The following SCD5 variants were observed in gnomAD, a reference collection of about 807,000 sequenced individuals.
SCD5 encodes the protein stearoyl-CoA desaturase 5.
Under a neutral mutation model 30.4 loss-of-function variants are expected in SCD5, and 20 were observed. The observed-to-expected ratio is 0.66, with a 90% CI of 0.46 to 0.96. The LOEUF (loss-of-function observed/expected upper bound fraction) is 0.96, where lower values mean the gene tolerates loss of function less well. SCD5 is among the 40% of genes least tolerant of loss of function. The pLI, the probability that SCD5 is intolerant of heterozygous loss-of-function variation, is 0.00. For synonymous variants in SCD5, 173 were observed against 176.4 expected (o/e 0.98, Z 0.16); for missense variants, 381 against 443.3 (o/e 0.86, Z 1.26).
At chr4:82,712,282 A>ATATATATATG (rs1720120648) in intron 1 of SCD5, among the ~76,000 whole-genome samples, 1 of 44,538 alleles carries the variant, frequency 2.2e-5, no homozygotes, top group Non-Finnish European at 3.7e-5. Flanking sequence ...ATATATATAT[A>ATATATATATG]TATATATATA....
intron 1 of SCD5, among the ~76,000 whole-genome samples, chr4:82,783,676 G>A (rs1721926797): frequency 6.6e-6 from 1 of 151,980 alleles, no homozygotes; most frequent in Admixed American, 6.5e-5. Context: ...GGCAGCGCAT[G>A]CCTGTAATCC....
At chr4:82,704,638 G>C (rs868192808) in intron 2 of SCD5, among the ~76,000 whole-genome samples, 4 of 152,158 alleles carry the variant, frequency 2.6e-5, no homozygotes, top group South Asian at 2.1e-4. Flanking sequence ...TATTTTTACA[G>C]ATTAAGAAAC....
chr4:82,664,308 C>T (rs1364181925), intron 3 of SCD5, among the ~76,000 whole-genome samples: 1 of 152,184 alleles, frequency 6.6e-6, no homozygotes, highest in Non-Finnish European at 1.5e-5. Flanking sequence ...ACCTCTTCCA[C>T]CCACACATAC....
At chr4:82,785,422 A>G (rs369135957) in intron 1 of SCD5, among the ~76,000 whole-genome samples, 9 of 152,308 alleles carry the variant, frequency 5.9e-5, no homozygotes, top group East Asian at 5.8e-4. Context: ...ACCACCCTTT[A>G]TCAATTTGCC....
chr4:82,666,883 A>T (rs556880825), intron 3 of SCD5, among the ~76,000 whole-genome samples: 1 of 152,356 alleles, frequency 6.6e-6, no homozygotes, highest in East Asian at 1.9e-4. Context: ...TGACAGAGTT[A>T]TCGAAAGGAT....
intron 3 of SCD5, among the ~76,000 whole-genome samples, chr4:82,664,434 A>G (rs1415509602): frequency 3.4e-5 from 1 of 29,770 alleles, no homozygotes; most frequent in Non-Finnish European, 6.3e-5. Flanking sequence ...GAGTCACACA[A>G]AAGTGCAAGG....
intron 3 of SCD5, among the ~76,000 whole-genome samples, chr4:82,679,263 G>GAGA (rs1560531713): frequency 2.6e-4 from 31 of 118,336 alleles, no homozygotes; most frequent in African/African-American, 9.7e-4. Context: ...AAAGAAAGAA[G>GAGA]GAAGGAAAGA....
At chr4:82,794,726 T>C (rs1374785616) in intron 1 of SCD5, among the ~76,000 whole-genome samples, 4 of 151,268 alleles carry the variant, frequency 2.6e-5, no homozygotes, top group Non-Finnish European at 5.9e-5. Flanking sequence ...CTCGGCTCCC[T>C]GCAAGCTCCA....
intron 1 of SCD5, among the ~76,000 whole-genome samples, chr4:82,713,590 C>T (rs1183988617): frequency 6.6e-6 from 1 of 152,308 alleles, no homozygotes; most frequent in Non-Finnish European, 1.5e-5. Context: ...TGGTCCAGTG[C>T]TATCTGCCCT....
intron 1 of SCD5, among the ~76,000 whole-genome samples, chr4:82,756,405 T>C (rs546112264): frequency 6.6e-6 from 1 of 152,226 alleles, no homozygotes; most frequent in South Asian, 2.1e-4. Context: ...TCACTTAGCC[T>C]CTCTATGCCT....
At chr4:82,726,708 C>A (rs1720480648) in intron 1 of SCD5, among the ~76,000 whole-genome samples, 1 of 152,126 alleles carries the variant, frequency 6.6e-6, no homozygotes, top group Non-Finnish European at 1.5e-5. Context: ...TTTTATTATG[C>A]TTTAAATGTT....
chr4:82,639,198 T>A (rs1396248176), intron 3 of SCD5, among the ~76,000 whole-genome samples: 3 of 152,194 alleles, frequency 2.0e-5, no homozygotes, highest in Non-Finnish European at 2.9e-5. Flanking sequence ...ACAGGATGGC[T>A]GCATTTTAGT....
At chr4:82,694,963 C>A (rs1261104926) in intron 2 of SCD5, among the ~76,000 whole-genome samples, 3 of 141,358 alleles carry the variant, frequency 2.1e-5, no homozygotes, top group Non-Finnish European at 4.6e-5. Context: ...TTGTGGAAAC[C>A]CCCAAACTTA....
intron 3 of SCD5, among the ~76,000 whole-genome samples, chr4:82,666,961 A>C (rs935786825): frequency 1.3e-5 from 2 of 152,224 alleles, no homozygotes; most frequent in African/African-American, 2.4e-5. Context: ...CAACTATAGC[A>C]ATCTAGGGGA....
intron 1 of SCD5, among the ~76,000 whole-genome samples, chr4:82,762,178 A>G (rs1721387583): frequency 1.7e-5 from 2 of 115,994 alleles, no homozygotes; most frequent in Non-Finnish European, 3.4e-5. Context: ...TCTCAAAAGA[A>G]GAGGAGAGGG....
At chr4:82,753,491 C>T in intron 1 of SCD5, 1 of 469,378 alleles carries the variant, frequency 2.1e-6, no homozygotes, top group South Asian at 1.5e-5. Context: ...TGATAGTGTC[C>T]ATTTCCCACA....
At chr4:82,784,907 G>A (rs1473323105) in intron 1 of SCD5, among the ~76,000 whole-genome samples, 1 of 152,152 alleles carries the variant, frequency 6.6e-6, no homozygotes, top group Non-Finnish European at 1.5e-5. Context: ...GATTGTTGGC[G>A]ATTCCAGGAG....
At chr4:82,649,354 A>G (rs1727698142) in intron 3 of SCD5, among the ~76,000 whole-genome samples, 1 of 152,186 alleles carries the variant, frequency 6.6e-6, no homozygotes, top group African/African-American at 2.4e-5. Context: ...CAAGGCTTCA[A>G]CTATTTTTAT....
chr4:82,796,052 C>T (rs561993385), intron 1 of SCD5, among the ~76,000 whole-genome samples: 5 of 151,680 alleles, frequency 3.3e-5, no homozygotes, highest in South Asian at 2.1e-4. Context: ...GGGTGGATCA[C>T]GAGGTCAGGA....
Sources: allele counts gnomAD v4.1 joint callset (sites outside exome capture counted in the v4.1 genomes callset), GRCh38; gene constraint gnomAD v4.1.1; transcripts MANE v1.5; gene names NCBI Gene and HGNC (gene_info 2026-07-23, HGNC 2026-07-21).